Variants in RPS6KC1 observed in about 807,000 individuals in gnomAD.
The protein encoded by RPS6KC1 is ribosomal protein S6 kinase C1.
In RPS6KC1, 54 loss-of-function variants were observed where a neutral mutation model predicts 103.8. The observed-to-expected ratio is 0.52, with a 90% CI of 0.42 to 0.65. The LOEUF is 0.65. Ranked by LOEUF, RPS6KC1 falls within the 30% of genes least tolerant of loss-of-function variation. The pLI is 0.00. For missense variants in RPS6KC1, 1,151 were observed against 1,253.8 expected (o/e 0.92, Z 1.24); for synonymous variants, 439 against 438.7 (o/e 1.00, Z -0.01).
chr1:213,755,231 T>C, the RPS6KC1 span, among the ~76,000 whole-genome samples: 1 of 152,270 alleles, frequency 6.6e-6, no homozygotes, highest in Admixed American at 6.5e-5. Context: ...GTAATCACGG[T>C]TTTTGTCATT....
At chr1:213,177,627 C>A (rs2091958392) in intron 8 of RPS6KC1, among the ~76,000 whole-genome samples, 1 of 151,944 alleles carries the variant, frequency 6.6e-6, no homozygotes, top group African/African-American at 2.4e-5. Flanking sequence ...TAGGATTTTT[C>A]TTTTTTTAAG....
chr1:213,614,416 C>G, the RPS6KC1 span, among the ~76,000 whole-genome samples: 1 of 152,194 alleles, frequency 6.6e-6, no homozygotes, highest in South Asian at 2.1e-4. Flanking sequence ...TTCTGAGAGC[C>G]ACACCTTTGA....
At position 213,274,244 on chromosome 1, in the gene RPS6KC1, C is replaced by T. The variant is rs1354443212; in HGVS notation, c.*1610C>T. 1.3e-5 allele frequency: 2 copies of T among 152,276 alleles called. No homozygotes were observed. The highest frequency in any genetic ancestry group is 2.4e-5 in the African/African-American group (1 of 41,552). 9.4% of individuals were successfully genotyped at this position (152,276 alleles called of 1,614,324 possible). A position where few individuals can be genotyped will look rare whatever the true frequency, so the allele number is the denominator to read the frequency against. On this transcript the variant is annotated 3_prime_UTR_variant, in exon 15 of 15. Coordinates refer to ENST00000366960, the MANE Select transcript of RPS6KC1 (RefSeq NM_012424.6). ...TTTCAACTCACTAGTCCCCTGGCCT[C>T]ATAACAGGAACTTATGCAGGTGAGA...
the RPS6KC1 span, among the ~76,000 whole-genome samples, chr1:213,638,498 C>A: frequency 6.6e-6 from 1 of 151,920 alleles, no homozygotes; most frequent in African/African-American, 2.4e-5. Context: ...AAATTTAAAT[C>A]TATGATTCAC....
chr1:213,204,553 C>T (rs1464662721), intron 8 of RPS6KC1, among the ~76,000 whole-genome samples: 1 of 151,422 alleles, frequency 6.6e-6, no homozygotes, highest in Non-Finnish European at 1.5e-5. Flanking sequence ...CAGCCTAAAT[C>T]TGCACGTGCT....
chr1:213,225,451 G>A (rs1274051228), intron 8 of RPS6KC1, among the ~76,000 whole-genome samples: 2 of 151,828 alleles, frequency 1.3e-5, no homozygotes, highest in South Asian at 2.1e-4. Flanking sequence ...GTGGAGTGGC[G>A]CGATCTCAAT....
At chr1:213,272,205 A>C (rs531844475) in intron 14 of RPS6KC1, among the ~76,000 whole-genome samples, 1 of 152,172 alleles carries the variant, frequency 6.6e-6, no homozygotes, top group Non-Finnish European at 1.5e-5. Flanking sequence ...AATTAATGTC[A>C]TGGTGTACTT....
At chr1:213,061,943 G>A (rs1013024127) in intron 1 of RPS6KC1, among the ~76,000 whole-genome samples, 6 of 152,208 alleles carry the variant, frequency 3.9e-5, no homozygotes. Context: ...AACAGTGATA[G>A]TGAAGTAGCC....
the RPS6KC1 span, among the ~76,000 whole-genome samples, chr1:213,533,719 T>G: frequency 6.6e-6 from 1 of 152,210 alleles, no homozygotes; most frequent in Non-Finnish European, 1.5e-5. Flanking sequence ...GCTATAATCT[T>G]TTGGTTATCA....
chr1:213,674,168 G>T, the RPS6KC1 span, among the ~76,000 whole-genome samples: 1 of 152,092 alleles, frequency 6.6e-6, no homozygotes, highest in Non-Finnish European at 1.5e-5. Context: ...ACAGGTACAT[G>T]CCACCACGCC....
At chr1:213,679,118 G>A in the RPS6KC1 span, among the ~76,000 whole-genome samples, 1 of 152,216 alleles carries the variant, frequency 6.6e-6, no homozygotes, top group Non-Finnish European at 1.5e-5. Flanking sequence ...GGGGAAGGAA[G>A]TGAGAACTTG....
chr1:213,521,236 C>T, the RPS6KC1 span, among the ~76,000 whole-genome samples: 4 of 152,166 alleles, frequency 2.6e-5, no homozygotes, highest in Non-Finnish European at 5.9e-5. Context: ...TAAAGCAAGT[C>T]ACATGAATTT....
chr1:213,341,110 T>C, the RPS6KC1 span, among the ~76,000 whole-genome samples: 1 of 152,236 alleles, frequency 6.6e-6, no homozygotes, highest in South Asian at 2.1e-4. Context: ...TGCCATCCTG[T>C]GTAACCGGCC....
the RPS6KC1 span, among the ~76,000 whole-genome samples, chr1:213,816,096 T>C: frequency 6.6e-6 from 1 of 152,168 alleles, no homozygotes; most frequent in African/African-American, 2.4e-5. Context: ...TTCGCTGTCT[T>C]ACATGGGTGC....
chr1:213,565,741 TA>T, the RPS6KC1 span, among the ~76,000 whole-genome samples: 110 of 152,202 alleles, frequency 7.2e-4, no homozygotes, highest in African/African-American at 2.0e-3. Context: ...AAATTTGATA[TA>T]AAAAAATCCA....
At chr1:213,664,198 G>GGGT in the RPS6KC1 span, among the ~76,000 whole-genome samples, 1 of 143,174 alleles carries the variant, frequency 7.0e-6, no homozygotes, top group African/African-American at 2.5e-5. Context: ...TGAGCGGGGG[G>GGGT]GCGGGGTGGG....
intron 8 of RPS6KC1, among the ~76,000 whole-genome samples, chr1:213,195,057 A>G (rs2092891541): frequency 6.6e-6 from 1 of 152,300 alleles, no homozygotes; most frequent in Non-Finnish European, 1.5e-5. Context: ...TGCAAGGGAT[A>G]GCAGCAGGGA....
At chr1:213,631,506 C>A in the RPS6KC1 span, among the ~76,000 whole-genome samples, 6 of 151,882 alleles carry the variant, frequency 4.0e-5, no homozygotes, top group Non-Finnish European at 8.8e-5. Flanking sequence ...TTTGTGATTA[C>A]AAACAATGTC....
the RPS6KC1 span, among the ~76,000 whole-genome samples, chr1:213,579,152 C>A: frequency 6.6e-6 from 1 of 152,068 alleles, no homozygotes; most frequent in Admixed American, 6.5e-5. Context: ...TAATCTCTTG[C>A]CTGCTGCCAT....
Sources: allele counts gnomAD v4.1 joint callset (sites outside exome capture counted in the v4.1 genomes callset), GRCh38; gene constraint gnomAD v4.1.1; transcripts MANE v1.5; gene names NCBI Gene and HGNC (gene_info 2026-07-23, HGNC 2026-07-21).